Variants in ZFHX3 observed in about 807,000 individuals in gnomAD.
ZFHX3 encodes the protein zinc finger homeobox protein 3.
In ZFHX3, 42 loss-of-function variants were observed where a neutral mutation model predicts 279.1. The observed-to-expected ratio is 0.15, with a 90% CI of 0.12 to 0.19. The LOEUF is 0.19. Among genes scored for constraint, ZFHX3 ranks in the 10% least tolerant of loss-of-function variants. The pLI, the probability that ZFHX3 is intolerant of heterozygous loss-of-function variation, is 1.00. For synonymous variants in ZFHX3, 2,293 were observed against 1,957.8 expected, an observed-to-expected ratio of 1.17 and a Z score of -4.52; for missense variants, 4,981 against 4,754.0, an observed-to-expected ratio of 1.05 and a Z score of -1.40.
chr16:73,755,003 G>A (rs564839044), intron 1 of ZFHX3, among the ~76,000 whole-genome samples: 1 of 152,216 alleles, frequency 6.6e-6, no homozygotes, highest in African/African-American at 2.4e-5. Flanking sequence ...AATCTTCAAA[G>A]CACCCTCCTT....
intron 2 of ZFHX3, among the ~76,000 whole-genome samples, chr16:73,520,251 C>T (rs1192594254): frequency 6.6e-6 from 1 of 152,140 alleles, no homozygotes; most frequent in Non-Finnish European, 1.5e-5. Flanking sequence ...ATGACTATGT[C>T]TAATCCCTGA....
intron 1 of ZFHX3, among the ~76,000 whole-genome samples, chr16:73,761,668 G>C (rs971616379): frequency 7.2e-5 from 11 of 152,212 alleles, no homozygotes; most frequent in Admixed American, 7.2e-4. Flanking sequence ...AAAGAACTCA[G>C]AAATAAGACT....
At chr16:72,887,609 G>A (rs1272442941) in intron 4 of ZFHX3, among the ~76,000 whole-genome samples, 1 of 150,630 alleles carries the variant, frequency 6.6e-6, no homozygotes, top group African/African-American at 2.4e-5. Flanking sequence ...TAGAGTGAGG[G>A]TGCGTGTGGG....
At chr16:72,852,614 TA>T (rs1294142365) in intron 4 of ZFHX3, among the ~76,000 whole-genome samples, 1 of 152,198 alleles carries the variant, frequency 6.6e-6, no homozygotes, top group Non-Finnish European at 1.5e-5. Flanking sequence ...TTCTTTTAAG[TA>T]AAAAATGAGG....
At chr16:73,585,887 A>C (rs1356420703) in intron 2 of ZFHX3, among the ~76,000 whole-genome samples, 3 of 152,238 alleles carry the variant, frequency 2.0e-5, no homozygotes, top group African/African-American at 7.2e-5. Flanking sequence ...AAAGAAAGAA[A>C]AAAAGGCATT....
intron 1 of ZFHX3, among the ~76,000 whole-genome samples, chr16:73,717,925 C>T (rs1335118619): frequency 6.6e-6 from 1 of 152,230 alleles, no homozygotes; most frequent in Non-Finnish European, 1.5e-5. Context: ...ACAGCCATCA[C>T]TATGCAGAAT....
intron 3 of ZFHX3, among the ~76,000 whole-genome samples, chr16:72,891,017 C>T (rs1345069395): frequency 1.3e-5 from 2 of 152,156 alleles, no homozygotes; most frequent in African/African-American, 2.4e-5. Flanking sequence ...AACATGGAGC[C>T]GGAGCTGGTA....
At chr16:73,263,626 G>A (rs960272830) in intron 4 of ZFHX3, among the ~76,000 whole-genome samples, 1 of 152,132 alleles carries the variant, frequency 6.6e-6, no homozygotes, top group Non-Finnish European at 1.5e-5. Context: ...AGGGATAAAT[G>A]TATGACCTCC....
chr16:73,138,352 G>A (rs890930486), intron 6 of ZFHX3, among the ~76,000 whole-genome samples: 1 of 152,100 alleles, frequency 6.6e-6, no homozygotes, highest in Non-Finnish European at 1.5e-5. Context: ...AAGCAACAAG[G>A]AAGGAAATCC....
Position 73,169,709 on chromosome 16 carries a change from C to T in ZFHX3, c.-1103-25878G>A, listed in dbSNP as rs148669415. 4.2e-3 allele frequency among the ~76,000 whole-genome samples: 639 copies of T among 151,348 alleles called. 6 individuals are homozygous for T. The highest frequency in any genetic ancestry group is 0.013 in the African/African-American group (551 of 41,310). On this transcript the variant is annotated intron_variant, in intron 5 of 17. Transcript: ENST00000641206. The stretch of plus-strand genomic sequence containing the variant: ...ACTAGTGAGGGAAATCTTCTTTTGG[C>T]ATAGAAGTGAAATATTTCAGTAAAG...
At chr16:72,852,990 T>C (rs1237753537) in intron 4 of ZFHX3, among the ~76,000 whole-genome samples, 4 of 152,216 alleles carry the variant, frequency 2.6e-5, no homozygotes, top group Admixed American at 1.3e-4. Flanking sequence ...AGATCCACTT[T>C]AGGTAACATA....
At chr16:73,203,454 G>A (rs548308340) in intron 5 of ZFHX3, among the ~76,000 whole-genome samples, 29 of 152,298 alleles carry the variant, frequency 1.9e-4, no homozygotes, top group African/African-American at 5.3e-4. Context: ...TCAATAGAGC[G>A]TAAGCTCTCT....
intron 7 of ZFHX3, among the ~76,000 whole-genome samples, chr16:73,105,147 T>C (rs1465293378): frequency 6.6e-6 from 1 of 151,932 alleles, no homozygotes; most frequent in African/African-American, 2.4e-5. Flanking sequence ...GGCTCACGTT[T>C]GTAATCCCAG....
chr16:72,881,190 C>T lies in ZFHX3; in HGVS notation c.3448+8541G>A, dbSNP rs138104254. 2.6e-3 allele frequency among the ~76,000 whole-genome samples: 389 copies of T among 152,300 alleles called. 1 individual carries two copies. Among genetic ancestry groups the T allele is most frequent in the Non-Finnish European group, 4.6e-3 (315 of 68,030 alleles). ...CTGTATTGTCTAAGTTAACCATGAG[C>T]CCCATGGCACTATTAAGCACTTGAA... is the stretch of plus-strand genomic sequence containing the variant. On this transcript the variant is annotated intron_variant, in intron 4 of 9. Coordinates refer to ENST00000268489, the MANE Select transcript of ZFHX3 (RefSeq NM_006885.4).
At chr16:72,947,575 C>A (rs1202933480) in intron 3 of ZFHX3, among the ~76,000 whole-genome samples, 1 of 152,110 alleles carries the variant, frequency 6.6e-6, no homozygotes, top group Non-Finnish European at 1.5e-5. Flanking sequence ...ATAAAAGCCT[C>A]GGCTGAAAGA....
chr16:73,372,614 G>T (rs916081123), intron 3 of ZFHX3, among the ~76,000 whole-genome samples: 1 of 152,154 alleles, frequency 6.6e-6, no homozygotes, highest in African/African-American at 2.4e-5. Context: ...TGCTCCTCTA[G>T]GTAAAAGGAA....
intron 3 of ZFHX3, among the ~76,000 whole-genome samples, chr16:72,932,162 T>A (rs979126390): frequency 2.0e-5 from 3 of 152,202 alleles, no homozygotes; most frequent in African/African-American, 4.8e-5. Context: ...AACTTGCATC[T>A]AATTTTGGTC....
At chr16:73,023,821 C>T (rs1597104200) in intron 1 of ZFHX3, among the ~76,000 whole-genome samples, 2 of 152,294 alleles carry the variant, frequency 1.3e-5, no homozygotes, top group East Asian at 1.9e-4. Context: ...CACACCACGA[C>T]GTCAGCCCAA....
intron 4 of ZFHX3, among the ~76,000 whole-genome samples, chr16:72,857,159 C>T (rs1354078395): frequency 4.6e-5 from 7 of 152,228 alleles, no homozygotes; most frequent in Admixed American, 3.9e-4. Flanking sequence ...GACCAATGGC[C>T]TCATACATTG....
Sources: gnomAD v4.1 joint callset for allele counts (sites outside exome capture counted in the v4.1 genomes callset) on GRCh38, gnomAD v4.1.1 for gene constraint, MANE v1.5 for transcripts, NCBI Gene and HGNC (gene_info 2026-07-23, HGNC 2026-07-21) for gene names.